COL5A1: variants seen among roughly 807,000 people sequenced by gnomAD.
COL5A1 encodes the protein collagen type V alpha 1 chain.
COL5A1 carries 16 observed loss-of-function variants against 263.7 expected under a neutral mutation model. The ratio of observed to expected loss-of-function variants is 0.06; its 90% CI spans 0.04 to 0.09. The LOEUF is 0.09. Among genes scored for constraint, COL5A1 ranks in the 10% least tolerant of loss-of-function variants. The probability of loss-of-function intolerance (pLI) is 1.00; values close to 1 mark genes in which losing one functional copy is unlikely to be tolerated. For synonymous variants in COL5A1, 1,012 were observed against 1,004.5 expected (o/e 1.01, Z -0.14); for missense variants, 2,036 against 2,540.5 (o/e 0.80, Z 4.27).
intron 1 of COL5A1, among the ~76,000 whole-genome samples, chr9:134,687,451 CCATCCAT>C (rs1564388002): frequency 6.7e-6 from 1 of 149,594 alleles, no homozygotes; most frequent in African/African-American, 2.5e-5. Context: ...ATCCATCCAT[CCATCCAT>C]CATCCATCCA....
At chr9:134,784,760 A>C (rs1263162778) in intron 29 of COL5A1, among the ~76,000 whole-genome samples, 1 of 152,278 alleles carries the variant, frequency 6.6e-6, no homozygotes, top group East Asian at 1.9e-4. Flanking sequence ...CTCGGTGCAG[A>C]GACCAGCTTC....
intron 11 of COL5A1, among the ~76,000 whole-genome samples, chr9:134,750,259 C>T (rs1564430884): frequency 6.6e-6 from 1 of 152,304 alleles, no homozygotes; most frequent in East Asian, 1.9e-4. Flanking sequence ...CTTGAGGCCC[C>T]AGAGGACGCC....
chr9:134,834,897 G>A (rs1444435802), intron 64 of COL5A1, 74 bp from the exon 65 acceptor site: 2 of 1,048,560 alleles, frequency 1.9e-6, no homozygotes, highest in Admixed American at 1.9e-5. Context: ...TGAAGCCCAG[G>A]GCAGTGCGGA....
rs1379858053 is a variant in COL5A1 at position 134,789,530 on chromosome 9, TG to T, written c.2700+325del. On this transcript the variant is annotated intron_variant, in intron 32 of 65. Coordinates refer to ENST00000371817, the MANE Select transcript of COL5A1 (RefSeq NM_000093.5). This position sits in a 1 kb window ranked among gnomAD's most constrained non-coding sequence, Gnocchi z 4.8. ...ATCAGATTCTTCTCCTCTACCCAAGTGGGCTTTTCCTCCAAGCTAATTTTAA... is the reference window on the plus strand; with the variant it reads ...ATCAGATTCTTCTCCTCTACCCAAGTGGCTTTTCCTCCAAGCTAATTTTAA... Among the ~76,000 whole-genome samples, 1 of 152,206 alleles carries T rather than the reference TG, an allele frequency of 6.6e-6. No homozygotes were observed. Among genetic ancestry groups the T allele is most frequent in the African/African-American group, 2.4e-5 (1 of 41,460 alleles).
intron 9 of COL5A1, among the ~76,000 whole-genome samples, chr9:134,733,802 G>A (rs1414293401): frequency 6.6e-6 from 1 of 152,240 alleles, no homozygotes; most frequent in East Asian, 1.9e-4. Context: ...CCAGCCCCAA[G>A]CTACACTTGT....
At chr9:134,730,527 A>G (rs751839818) in intron 7 of COL5A1, 52 bp downstream of exon 7, 2 of 1,610,132 alleles carry the variant, frequency 1.2e-6, no homozygotes, top group South Asian at 2.2e-5. Context: ...GCCAAGGGCC[A>G]GGGCTGGGGC....
At chr9:134,731,396 C>G in intron 7 of COL5A1, 100 bp from the exon 8 acceptor site, 1 of 1,213,710 alleles carries the variant, frequency 8.2e-7, no homozygotes, top group Non-Finnish European at 1.2e-6. Context: ...GGATCTCTGC[C>G]CAGTTGACCG....
In COL5A1 at chr9:134,830,053, G is replaced by A; in HGVS notation, c.5136+9G>A. 6.2e-7 allele frequency: 1 copy of A among 1,613,988 alleles called. No homozygotes were observed. The highest frequency in any genetic ancestry group is 8.5e-7 in the Non-Finnish European group (1 of 1,179,950). ...TCAAGCGTGGGAAACTGGTAAGGTG[G>A]CCTCTGGCGTCTTTGCGGTTGTCAC... On this transcript the variant is annotated intron_variant, in intron 64 of 65. Transcript: ENST00000371817.
rs1173497631 is a variant in COL5A1, at chr9:134,696,086, C to T, written c.278-3823C>T. Among the ~76,000 whole-genome samples the T allele has an allele frequency of 6.6e-6, 1 of 152,126 alleles. No individual in the cohort carries two copies. The highest frequency in any genetic ancestry group is 1.9e-4 in the East Asian group (1 of 5,186). On this transcript the variant is annotated intron_variant, in intron 2 of 65. Transcript: ENST00000371817. This position sits in a 1 kb window ranked among gnomAD's most constrained non-coding sequence, Gnocchi z 4.3. ...GCCCCCCAGGTTCCTGGCCCCCTGT[C>T]CAAAGTTAGCCACACCCCGCATTCA... is the stretch of plus-strand genomic sequence containing the variant.
chr9:134,699,815 C>T, intron 2 of COL5A1, 94 bp from the exon 3 acceptor site: 1 of 1,256,168 alleles, frequency 8.0e-7, no homozygotes, highest in South Asian at 1.2e-5. Flanking sequence ...CACAGCTTCC[C>T]AGGGTCCCGG....
At chr9:134,782,915 CT>C (rs890260665) in intron 29 of COL5A1, among the ~76,000 whole-genome samples, 195 bp downstream of exon 29, 1 of 152,234 alleles carries the variant, frequency 6.6e-6, no homozygotes, top group Admixed American at 6.5e-5. Flanking sequence ...TTCACCTCCT[CT>C]TCCTCAGTTT....
intron 6 of COL5A1, among the ~76,000 whole-genome samples, chr9:134,729,445 G>A (rs1462641044): frequency 1.3e-5 from 2 of 152,146 alleles, no homozygotes; most frequent in Non-Finnish European, 2.9e-5. Flanking sequence ...GTGTGTGTGT[G>A]TGCATGAACG....
chr9:134,714,256 T>C (rs1834166505), intron 4 of COL5A1, among the ~76,000 whole-genome samples: 1 of 151,872 alleles, frequency 6.6e-6, no homozygotes. Flanking sequence ...GGACTGTTGA[T>C]GATGGTGGTG....
At chr9:134,695,387 G>C (rs1833423044) in intron 2 of COL5A1, among the ~76,000 whole-genome samples, 1 of 152,204 alleles carries the variant, frequency 6.6e-6, no homozygotes, top group Non-Finnish European at 1.5e-5. Context: ...TCCTGCCAGA[G>C]AGCAAGGGAG....
chr9:134,812,461 C>T lies in COL5A1; in HGVS notation c.3703C>T (p.Pro1235Ser). The T allele has an allele frequency of 6.2e-7, 1 of 1,614,084 alleles. No homozygotes were observed. The highest frequency in any genetic ancestry group is 8.5e-7 in the Non-Finnish European group (1 of 1,179,996). Residue 1235 changes from proline to serine, a missense_variant, in exon 47 of 66, where the codon CCT becomes TCT. This residue lies in a region of COL5A1 where 1,078 missense variants were observed against 1,521.4 expected (regional missense o/e 0.71). Transcript: ENST00000371817. ...GPVGLQGLPG[P>S]PGEKGETGDV... ...TTCCTGTTCTCAGGGTTTGCCAGGA[C>T]CTCCAGGCGAGAAGGGTGAGACAGG... is the stretch of plus-strand genomic sequence containing the variant.
At chr9:134,690,447 C>A (rs1054052656) in intron 1 of COL5A1, among the ~76,000 whole-genome samples, 2 of 152,204 alleles carry the variant, frequency 1.3e-5, no homozygotes. Context: ...CACCATAAGG[C>A]GGTCAGCTCC....
At position 134,782,719 on chromosome 9, in the gene COL5A1, G is replaced by T; in HGVS notation, c.2483G>T (p.Arg828Leu). 3 of 1,614,012 alleles carry T rather than the reference G, an allele frequency of 1.9e-6. No individual in the cohort carries two copies. The highest frequency in any genetic ancestry group is 2.5e-6 in the Non-Finnish European group (3 of 1,179,970). The stretch of plus-strand genomic sequence containing the variant: ...GGAGACATGGGCATCAAGGGTGATC[G>T]GGTGAGCATCTCAGGTTTGGGATTT... ...FKGDMGIKGD[R>L]GEIGPPGPRG... is the part of the protein sequence containing the mutation. Residue 828 changes from arginine to leucine, a missense_variant and splice_region_variant, in exon 29 of 66, where the codon CGG (arginine) becomes CTG (leucine). By Grantham distance (102) the Arg-to-Leu change is moderately radical. Around this residue, in one of 3 missense-constraint regions of COL5A1, gnomAD observed 1,078 missense variants for 1,521.4 expected, o/e 0.71. Coordinates refer to ENST00000371817, the MANE Select transcript of COL5A1 (RefSeq NM_000093.5).
intron 1 of COL5A1, among the ~76,000 whole-genome samples, chr9:134,671,362 C>T (rs1000119469): frequency 2.6e-5 from 4 of 152,186 alleles, no homozygotes; most frequent in Non-Finnish European, 5.9e-5. Flanking sequence ...TGGGATCTCG[C>T]ACAGTACAGT....
chr9:134,812,724 GC>G lies in COL5A1; in HGVS notation c.3852+14del. 1 of 1,534,030 alleles carries G rather than the reference GC, an allele frequency of 6.5e-7. No individual in the cohort carries two copies. The highest frequency in any genetic ancestry group is 1.4e-5 in the African/African-American group (1 of 73,542). On this transcript the variant is annotated intron_variant, in intron 48 of 65. Coordinates refer to ENST00000371817, the MANE Select transcript of COL5A1 (RefSeq NM_000093.5). ...CAGTGGGAGAGAAGGTGAGGCTCGT[GC>G]CTGCTCTGGTGGCAGATTTGCGGTT...
Sources: allele counts gnomAD v4.1 joint callset (sites outside exome capture counted in the v4.1 genomes callset), GRCh38; gene constraint gnomAD v4.1.1; regional missense constraint gnomAD v4.1.1; non-coding constraint Gnocchi (gnomAD v3.1); transcripts MANE v1.5; gene names NCBI Gene and HGNC (gene_info 2026-07-23, HGNC 2026-07-21).